Variants in TUBGCP4 observed in about 807,000 individuals in gnomAD.
TUBGCP4 encodes the protein tubulin gamma complex component 4, also known as gamma-tubulin complex component 4.
TUBGCP4 carries 54 observed loss-of-function variants against 91.6 expected under a neutral mutation model. The observed-to-expected ratio is 0.59, with a 90% confidence interval of 0.47 to 0.74. The LOEUF (loss-of-function observed/expected upper bound fraction) is 0.74. TUBGCP4 is among the 30% of genes least tolerant of loss of function. TUBGCP4 has a pLI of 0.00. For missense variants in TUBGCP4, 593 were observed against 800.9 expected (o/e 0.74, Z 3.13); for synonymous variants, 297 against 302.8 (o/e 0.98, Z 0.20).
chr15:43,388,484 A>G (rs1163666780), intron 9 of TUBGCP4, among the ~76,000 whole-genome samples: 1 of 152,220 alleles, frequency 6.6e-6, no homozygotes, highest in Non-Finnish European at 1.5e-5. Context: ...CAAAATTTTA[A>G]GACATTGCTT....
In TUBGCP4 at chr15:43,409,274, A is replaced by G; in HGVS notation, c.*4060A>G. 1.6e-6 allele frequency: 1 copy of G among 624,696 alleles called. No homozygotes were observed. The highest frequency in any genetic ancestry group is 2.8e-6 in the Non-Finnish European group (1 of 355,898). The allele number at this position is 624,696 out of a possible 1,614,324, so 38.7% of individuals were successfully genotyped here. On this transcript the variant is annotated 3_prime_UTR_variant, in exon 18 of 18. Transcript: ENST00000564079. ...ACTGGAAGGCCCAAGTAATTTCCATAGATGTTCTCTCTGCCTCACCTGCAG... is the reference window on the plus strand; with the variant it reads ...ACTGGAAGGCCCAAGTAATTTCCATGGATGTTCTCTCTGCCTCACCTGCAG...
Position 43,371,360 on chromosome 15 carries a change from C to T in TUBGCP4, c.6C>T (p.Ile2=). Residue 2 remains isoleucine (I), a synonymous_variant, in exon 1 of 18, where the codon ATC becomes ATT. Transcript: ENST00000564079. M[I]HELLLALSGY... is the part of the protein sequence containing the mutation. ...ACTCGAGGTCCGCCGTGGGAATGAT[C>T]CACGAACTGCTCTTGGCTCTGAGCG... 1.9e-6 allele frequency: 3 copies of T among 1,613,926 alleles called. No homozygotes were observed. Among genetic ancestry groups the T allele is most frequent in the Non-Finnish European group, 2.5e-6 (3 of 1,179,916 alleles).
chr15:43,381,366 C>T (rs2044282581), intron 6 of TUBGCP4, among the ~76,000 whole-genome samples: 1 of 152,112 alleles, frequency 6.6e-6, no homozygotes, highest in African/African-American at 2.4e-5. Flanking sequence ...CAGTCAAGTT[C>T]TTGTAATTTC....
rs1364441237 is a variant in TUBGCP4, at chr15:43,376,164, G to A, written c.145G>A (p.Gly49Ser). The change falls in exon 2 of 18, where the codon GGC becomes AGC. Residue 49 changes from glycine (G) to serine (S), a missense_variant. Gly to Ser is a moderately conservative substitution (Grantham distance 56). Transcript: ENST00000564079. ...TGTCCTGAATCGACTCTGCCGGCTCGGCACAGACTATATTCGCTTCACTGA... is the reference window on the plus strand; with the variant it reads ...TGTCCTGAATCGACTCTGCCGGCTCAGCACAGACTATATTCGCTTCACTGA... Reference protein sequence around the residue: ...TSVLNRLCRLGTDYIRFTEFI... With the variant: ...TSVLNRLCRLSTDYIRFTEFI... The A allele has an allele frequency of 1.5e-5, 24 of 1,613,882 alleles. No homozygotes were observed. The highest frequency in any genetic ancestry group is 1.3e-4 in the East Asian group (6 of 44,882).
intron 14 of TUBGCP4, 21 bp from the exon 15 acceptor site, chr15:43,401,695 A>G: frequency 6.2e-7 from 1 of 1,612,560 alleles, no homozygotes; most frequent in African/African-American, 1.3e-5. Context: ...AAGTGCTAAA[A>G]TTTTTTGTAA....
chr15:43,407,431 A>C lies in TUBGCP4; in HGVS notation c.*2217A>C, dbSNP rs1381178101. The C allele has an allele frequency of 3.7e-6, 6 of 1,614,084 alleles. No individual in the cohort carries two copies. Among genetic ancestry groups the C allele is most frequent in the Admixed American group, 1.7e-5 (1 of 60,006 alleles). ...TATATTTTGGATGCTGCTTGAATCC[A>C]ATTCTCTCCCCAACAATGAGGCACT... On this transcript the variant is annotated 3_prime_UTR_variant, in exon 18 of 18. Transcript: ENST00000564079.
chr15:43,373,004 A>G (rs2044147931), intron 1 of TUBGCP4, among the ~76,000 whole-genome samples: 2 of 152,250 alleles, frequency 1.3e-5, no homozygotes, highest in African/African-American at 4.8e-5. Flanking sequence ...AAAGAAGACA[A>G]AGATGGCAAA....
chr15:43,400,544 C>T (rs923585195), intron 14 of TUBGCP4, among the ~76,000 whole-genome samples: 3 of 152,152 alleles, frequency 2.0e-5, no homozygotes, highest in African/African-American at 4.8e-5. Flanking sequence ...ACTACAGATA[C>T]ATGCCACCAC....
At chr15:43,400,761 C>G (rs987826381) in intron 14 of TUBGCP4, among the ~76,000 whole-genome samples, 3 of 151,880 alleles carry the variant, frequency 2.0e-5, no homozygotes, top group Non-Finnish European at 4.4e-5. Context: ...ACTAAAAATA[C>G]AAAAAAATTA....
chr15:43,405,030 TA>T, intron 17 of TUBGCP4, 171 bp from the exon 18 acceptor site: 1 of 693,428 alleles, frequency 1.4e-6, no homozygotes, highest in Admixed American at 3.0e-5. Flanking sequence ...CCTTTCTCTC[TA>T]AAATGTCTGC....
chr15:43,386,345 GTATATA>G lies in TUBGCP4; in HGVS notation c.1014+43_1014+48del, dbSNP rs542775386. 26 of 317,708 alleles carry G rather than the reference GTATATA, an allele frequency of 8.2e-5. No individual in the cohort carries two copies. The highest frequency in any genetic ancestry group is 8.3e-5 in the East Asian group (1 of 12,100). The allele number at this position is 317,708 out of a possible 1,614,324, so 19.7% of individuals were successfully genotyped here. On this transcript the variant is annotated intron_variant, in intron 9 of 17. Transcript: ENST00000564079. The stretch of plus-strand genomic sequence containing the variant: ...CTGTGGCTGAGGTTTGTGTTTCATC[GTATATA>G]TATATATATATATATATATATATAT...
intron 15 of TUBGCP4, 146 bp from the exon 16 acceptor site, chr15:43,403,537 C>T (rs1380072585): frequency 1.3e-5 from 8 of 617,390 alleles, no homozygotes; most frequent in Admixed American, 1.2e-4. Context: ...GGCTGGCAGG[C>T]CTTGCACGTG....
At position 43,407,055 on chromosome 15, in the gene TUBGCP4, G is replaced by A; in HGVS notation, c.*1841G>A. On this transcript the variant is annotated 3_prime_UTR_variant, in exon 18 of 18. Coordinates refer to ENST00000564079, the MANE Select transcript of TUBGCP4 (RefSeq NM_014444.5). Reference sequence around the variant, plus strand: ...TTAGACACCCTGGAATAACCTTTTGGGAATGATGCCACAGAATAAAGTTCA... The same window carrying A: ...TTAGACACCCTGGAATAACCTTTTGAGAATGATGCCACAGAATAAAGTTCA... 1 of 258,406 alleles carries A rather than the reference G, an allele frequency of 3.9e-6. No individual in the cohort carries two copies. Among genetic ancestry groups the A allele is most frequent in the South Asian group, 5.5e-5 (1 of 18,238 alleles). The allele number at this position is 258,406 out of a possible 1,614,324, so 16.0% of individuals were successfully genotyped here.
At position 43,376,204 on chromosome 15, in the gene TUBGCP4, A is replaced by G. The variant is rs748313412; in HGVS notation, c.185A>G (p.Tyr62Cys). 3.7e-6 allele frequency: 6 copies of G among 1,613,978 alleles called. No individual in the cohort carries two copies. The highest frequency in any genetic ancestry group is 4.2e-6 in the Non-Finnish European group (5 of 1,180,018). The change falls in exon 2 of 18, where the codon TAC becomes TGC. Residue 62 changes from tyrosine (Y) to cysteine (C), a missense_variant. Transcript: ENST00000564079. The stretch of plus-strand genomic sequence containing the variant: ...CGCTTCACTGAGTTCATTGAACAGT[A>G]CACGGGCCATGTGCAACAGCAGGTG... ...YIRFTEFIEQ[Y>C]TGHVQQQDHH...
At position 43,407,307 on chromosome 15, in the gene TUBGCP4, A is replaced by G; in HGVS notation, c.*2093A>G. On this transcript the variant is annotated 3_prime_UTR_variant, in exon 18 of 18. Transcript: ENST00000564079. ...ATCCATGCAAGGAATCCAGTTACAC[A>G]CAAGACACATTTAAAACCTGGTTAA... 7.6e-7 allele frequency: 1 copy of G among 1,313,820 alleles called. No individual in the cohort carries two copies. Among genetic ancestry groups the G allele is most frequent in the South Asian group, 1.3e-5 (1 of 76,634 alleles). The allele number at this position is 1,313,820 out of a possible 1,614,324, so 81.4% of individuals were successfully genotyped here.
Position 43,407,262 on chromosome 15 carries a change from C to CAAAT in TUBGCP4, c.*2052_*2055dup. ...CATTTATTTTATCATAAAAGTTCAG[C>CAAAT]AAATAAAACTATATACAAGATCCAT... On this transcript the variant is annotated 3_prime_UTR_variant, in exon 18 of 18. Coordinates refer to ENST00000564079, the MANE Select transcript of TUBGCP4 (RefSeq NM_014444.5). The CAAAT allele has an allele frequency of 5.0e-6, 4 of 798,832 alleles. No homozygotes were observed. Among genetic ancestry groups the CAAAT allele is most frequent in the Non-Finnish European group, 7.9e-6 (4 of 503,928 alleles). 49.5% of individuals were successfully genotyped at this position (798,832 alleles called of 1,614,324 possible). A position where few individuals can be genotyped will look rare whatever the true frequency, so the allele number is the denominator to read the frequency against.
chr15:43,401,056 T>C (rs2044668664), intron 14 of TUBGCP4, among the ~76,000 whole-genome samples: 1 of 152,196 alleles, frequency 6.6e-6, no homozygotes, highest in Non-Finnish European at 1.5e-5. Context: ...TATTATTTAT[T>C]GTTGACTTGC....
rs564819167 is a variant in TUBGCP4, at chr15:43,400,297, GACT to G, written c.1596+79_1596+81del. On this transcript the variant is annotated intron_variant, in intron 14 of 17. Transcript: ENST00000564079. ...AGGTTGGCAGGGAGTATTGAATAGG[GACT>G]ACAAGTTTCTATTTGATAAAATGGT... is the stretch of plus-strand genomic sequence containing the variant. 68 of 1,196,298 alleles carry G rather than the reference GACT, an allele frequency of 5.7e-5. No individual in the cohort carries two copies. The South Asian group carries it at 1.1e-3, about 20-fold the overall frequency. The allele number at this position is 1,196,298 out of a possible 1,614,324, so 74.1% of individuals were successfully genotyped here.
chr15:43,407,303 A>T lies in TUBGCP4; in HGVS notation c.*2089A>T. On this transcript the variant is annotated 3_prime_UTR_variant, in exon 18 of 18. Transcript: ENST00000564079. ...CAAGATCCATGCAAGGAATCCAGTTACACACAAGACACATTTAAAACCTGG... is the reference window on the plus strand; with the variant it reads ...CAAGATCCATGCAAGGAATCCAGTTTCACACAAGACACATTTAAAACCTGG... 1.6e-6 allele frequency: 2 copies of T among 1,229,546 alleles called. No individual in the cohort carries two copies. The highest frequency in any genetic ancestry group is 2.3e-6 in the Non-Finnish European group (2 of 854,648). The allele number at this position is 1,229,546 out of a possible 1,614,324, so 76.2% of individuals were successfully genotyped here.
Sources: gnomAD v4.1 joint callset for allele counts (sites outside exome capture counted in the v4.1 genomes callset) on GRCh38, gnomAD v4.1.1 for gene constraint, MANE v1.5 for transcripts, NCBI Gene and HGNC (gene_info 2026-07-23, HGNC 2026-07-21) for gene names.